IQCH: variants seen among roughly 807,000 people sequenced by gnomAD.
IQCH encodes IQ domain-containing protein H.
IQCH carries 98 observed loss-of-function variants against 117.0 expected under a neutral mutation model. The observed-to-expected ratio is 0.84, with a 90% CI of 0.71 to 0.99. The LOEUF is 0.99. Ranked by LOEUF, IQCH falls within the 50% of genes least tolerant of loss-of-function variation. IQCH has a pLI of 0.00. For missense variants in IQCH, 1,102 were observed against 1,243.8 expected, an observed-to-expected ratio of 0.89 and a Z score of 1.72; for synonymous variants, 412 against 448.2, an observed-to-expected ratio of 0.92 and a Z score of 1.02.
intron 3 of IQCH, among the ~76,000 whole-genome samples, chr15:67,263,696 T>TG (rs11429797): frequency 6.6e-6 from 1 of 152,212 alleles, no homozygotes; most frequent in Non-Finnish European, 1.5e-5. Context: ...GTTTTCACAC[T>TG]TTTAGATCAC....
At position 67,401,225 on chromosome 15, in the gene IQCH, G is replaced by A. The variant is rs554826131; in HGVS notation, c.2097+920G>A. 2.6e-5 allele frequency among the ~76,000 whole-genome samples: 4 copies of A among 152,264 alleles called. No individual in the cohort carries two copies. The highest frequency in any genetic ancestry group is 9.6e-5 in the African/African-American group (4 of 41,560). The stretch of plus-strand genomic sequence containing the variant: ...TTTTTTCCATGCACATTTGTGAAGG[G>A]ATGAATCGTACAACCTTTTAGTCCC... On this transcript the variant is annotated intron_variant, in intron 14 of 20. Transcript: ENST00000335894. The surrounding 1 kb of genome is among the most constrained non-coding windows in gnomAD (Gnocchi z 4.7).
chr15:67,378,144 C>T (rs1970800942), intron 10 of IQCH, among the ~76,000 whole-genome samples: 4 of 152,062 alleles, frequency 2.6e-5, no homozygotes, highest in Non-Finnish European at 4.4e-5. Flanking sequence ...GAGATAAAAG[C>T]TTGAACTCAC....
intron 4 of IQCH, among the ~76,000 whole-genome samples, chr15:67,318,201 C>T (rs981140710): frequency 3.9e-5 from 6 of 152,216 alleles, no homozygotes; most frequent in East Asian, 1.9e-4. Flanking sequence ...TTTCTCCCTT[C>T]GTCCTTCTTG....
At chr15:67,292,998 A>G (rs551652468) in intron 4 of IQCH, among the ~76,000 whole-genome samples, 2 of 152,334 alleles carry the variant, frequency 1.3e-5, no homozygotes, top group African/African-American at 4.8e-5. Flanking sequence ...GTAGGCTCTC[A>G]GTAGATGACA....
intron 4 of IQCH, among the ~76,000 whole-genome samples, chr15:67,319,958 T>C (rs1968034948): frequency 6.6e-6 from 1 of 152,266 alleles, no homozygotes; most frequent in African/African-American, 2.4e-5. Flanking sequence ...TTAAATTTTT[T>C]TAATGGACCG....
At chr15:67,267,278 T>G (rs1187338771) in intron 3 of IQCH, among the ~76,000 whole-genome samples, 1 of 152,214 alleles carries the variant, frequency 6.6e-6, no homozygotes, top group Non-Finnish European at 1.5e-5. Context: ...GGTACTCTAT[T>G]TGAGAGACAA....
chr15:67,312,745 A>T (rs17230761), intron 4 of IQCH, among the ~76,000 whole-genome samples: 44,963 of 152,112 alleles, frequency 0.3, 6,823 homozygotes, highest in South Asian at 0.37. Flanking sequence ...AAGGAAAAAT[A>T]CTTCAGCAAG....
rs529318414 is a variant in IQCH at position 67,254,883 on chromosome 15, T to C, written c.-14T>C. 1.0e-4 allele frequency: 163 copies of C among 1,613,174 alleles called. 2 individuals are homozygous for C. The South Asian group carries it at 1.7e-3, about 17-fold the overall frequency. ...ACCGCGCCTCCGCGGAGGTAGCCGT[T>C]CCCTGACCTAGCCATGGCACAGAAC... On this transcript the variant is annotated 5_prime_UTR_variant, in exon 1 of 21. Coordinates refer to ENST00000335894, the MANE Select transcript of IQCH (RefSeq NM_001031715.3).
At chr15:67,462,646 CTCTT>C (rs1305095679) in intron 16 of IQCH, among the ~76,000 whole-genome samples, 1 of 152,076 alleles carries the variant, frequency 6.6e-6, no homozygotes, top group Non-Finnish European at 1.5e-5. Flanking sequence ...GTGGTTCTCA[CTCTT>C]TCCCCTACAC....
chr15:67,409,786 A>G (rs1470756676), intron 14 of IQCH, among the ~76,000 whole-genome samples: 1 of 152,178 alleles, frequency 6.6e-6, no homozygotes, highest in Non-Finnish European at 1.5e-5. Context: ...TACCAAAAAC[A>G]TTTGTGTGCC....
chr15:67,287,444 G>A (rs112988435), intron 4 of IQCH, among the ~76,000 whole-genome samples: 3,503 of 152,160 alleles, frequency 0.023, 151 homozygotes, highest in African/African-American at 0.081. Flanking sequence ...CTTCAGTCTC[G>A]CTACTTGTTA....
chr15:67,260,243 G>C (rs185763694), intron 1 of IQCH, among the ~76,000 whole-genome samples: 3 of 152,232 alleles, frequency 2.0e-5, no homozygotes, highest in African/African-American at 7.2e-5. Flanking sequence ...TCTGAAGTTT[G>C]GTTTCTAATA....
intron 16 of IQCH, among the ~76,000 whole-genome samples, chr15:67,464,016 T>C (rs1456640730): frequency 6.6e-6 from 1 of 152,154 alleles, no homozygotes; most frequent in Non-Finnish European, 1.5e-5. Context: ...CTAACTTTTG[T>C]ATTTTTAGTA....
chr15:67,395,326 C>G lies in IQCH; in HGVS notation c.1668C>G (p.Tyr556Ter). Residue 556 changes from tyrosine (Y) to a stop codon, truncating the protein, a stop_gained, in exon 13 of 21, where the codon TAC becomes TAG. Transcript: ENST00000335894. LOFTEE classifies it high-confidence loss of function. The surrounding 1 kb of genome is among the most constrained non-coding windows in gnomAD (Gnocchi z 4.0). ...HHMCLATHLM[Y>*]SPKAIKRIKN... ...TGTGCCTGGCCACTCACCTGATGTA[C>G]AGTCCCAAGGCAATCAAAAGAATAA... The G allele has an allele frequency of 6.2e-7, 1 of 1,613,884 alleles. No homozygotes were observed. Among genetic ancestry groups the G allele is most frequent in the Non-Finnish European group, 8.5e-7 (1 of 1,179,864 alleles).
At chr15:67,336,444 T>C (rs1404255247) in intron 4 of IQCH, among the ~76,000 whole-genome samples, 1 of 152,200 alleles carries the variant, frequency 6.6e-6, no homozygotes, top group African/African-American at 2.4e-5. Context: ...TTTATGACTT[T>C]AGGAAAAGTA....
chr15:67,328,116 A>G (rs889353585), intron 4 of IQCH, among the ~76,000 whole-genome samples: 3 of 151,626 alleles, frequency 2.0e-5, no homozygotes, highest in Non-Finnish European at 4.4e-5. Context: ...CAGTGCCTTC[A>G]AATAGTTGGA....
chr15:67,369,854 T>G lies in IQCH; in HGVS notation c.754-2257T>G, dbSNP rs1038861491. ...GCTCCAAGTCTAAAGTGCTCCCAAG[T>G]GTGGCATTCTCTGTGACAGATGTAC... On this transcript the variant is annotated intron_variant, in intron 8 of 20. Transcript: ENST00000335894. The surrounding 1 kb of genome is among the most constrained non-coding windows in gnomAD (Gnocchi z 5.2). Among the ~76,000 whole-genome samples the G allele has an allele frequency of 1.1e-4, 16 of 152,206 alleles. 1 individual carries two copies. The highest frequency in any genetic ancestry group is 3.9e-4 in the African/African-American group (16 of 41,468).
chr15:67,435,305 G>A (rs964106782), intron 16 of IQCH, among the ~76,000 whole-genome samples: 2 of 152,080 alleles, frequency 1.3e-5, no homozygotes, highest in African/African-American at 4.8e-5. Flanking sequence ...AAGTCTATAT[G>A]TAGGCAGGGT....
chr15:67,420,852 T>C (rs936535662), intron 15 of IQCH, among the ~76,000 whole-genome samples: 1 of 152,202 alleles, frequency 6.6e-6, no homozygotes, highest in Non-Finnish European at 1.5e-5. Flanking sequence ...AGCCCAAACC[T>C]GTCAAACCTT....
Sources: gnomAD v4.1 joint callset for allele counts (sites outside exome capture counted in the v4.1 genomes callset) on GRCh38, gnomAD v4.1.1 for gene constraint, Gnocchi (gnomAD v3.1) non-coding constraint, MANE v1.5 for transcripts, NCBI Gene and HGNC (gene_info 2026-07-23, HGNC 2026-07-21) for gene names.